The following SMOC2 variants were observed in gnomAD, a reference collection of about 807,000 sequenced individuals.
The protein encoded by SMOC2 is SPARC related modular calcium binding 2.
Under a neutral mutation model 61.4 loss-of-function variants are expected in SMOC2, and 39 were observed. The ratio of observed to expected loss-of-function variants is 0.64; its 90% CI spans 0.49 to 0.83. The LOEUF (loss-of-function observed/expected upper bound fraction) is 0.83. SMOC2 is among the 40% of genes least tolerant of loss of function. The pLI is 0.00. For synonymous variants in SMOC2, 247 were observed against 239.9 expected, an observed-to-expected ratio of 1.03 and a Z score of -0.27; for missense variants, 556 against 592.9, an observed-to-expected ratio of 0.94 and a Z score of 0.65.
intron 2 of SMOC2, among the ~76,000 whole-genome samples, chr6:168,522,705 C>T (rs953418698): frequency 2.0e-5 from 3 of 151,914 alleles, no homozygotes; most frequent in East Asian, 1.9e-4. Flanking sequence ...AAGTATACCT[C>T]GTGTATGATT....
chr6:168,575,348 G>A (rs1320838358), intron 7 of SMOC2, among the ~76,000 whole-genome samples: 1 of 152,162 alleles, frequency 6.6e-6, no homozygotes, highest in Non-Finnish European at 1.5e-5. Context: ...TTCTTTCTAA[G>A]CCCTATAAGG....
intron 1 of SMOC2, among the ~76,000 whole-genome samples, chr6:168,503,356 G>T (rs1028460225): frequency 6.6e-6 from 1 of 152,214 alleles, no homozygotes; most frequent in African/African-American, 2.4e-5. Context: ...GGGATTACAG[G>T]TGTGAGCCAC....
intron 7 of SMOC2, 65 bp from the exon 8 acceptor site, chr6:168,598,753 A>C: frequency 1.9e-6 from 3 of 1,558,170 alleles, no homozygotes; most frequent in Non-Finnish European, 2.6e-6. Flanking sequence ...TGGCCTCCCA[A>C]GAGCTCTGCA....
intron 4 of SMOC2, among the ~76,000 whole-genome samples, chr6:168,537,740 C>G (rs1200607348): frequency 6.6e-6 from 1 of 152,174 alleles, no homozygotes; most frequent in East Asian, 1.9e-4. Context: ...CTCCCTGCCA[C>G]GGCCAGTCTT....
chr6:168,609,366 T>G (rs577035638), intron 9 of SMOC2, among the ~76,000 whole-genome samples: 1 of 152,290 alleles, frequency 6.6e-6, no homozygotes, highest in South Asian at 2.1e-4. Flanking sequence ...TTTTTTTTAA[T>G]GAGAGTATGG....
intron 11 of SMOC2, among the ~76,000 whole-genome samples, chr6:168,660,052 G>GAGTAAGGGTGGAGGTTGTA (rs1554255901): frequency 5.7e-4 from 85 of 148,612 alleles, no homozygotes; most frequent in Admixed American, 9.4e-4. Flanking sequence ...GTTGTAGGTT[G>GAGTAAGGGTGGAGGTTGTA]GCCTGAATAG....
chr6:168,660,893 GT>G (rs1448690498), intron 11 of SMOC2, among the ~76,000 whole-genome samples: 1 of 152,222 alleles, frequency 6.6e-6, no homozygotes, highest in Non-Finnish European at 1.5e-5. Context: ...AAAAGTTTAA[GT>G]TGCTGCAGAA....
intron 1 of SMOC2, among the ~76,000 whole-genome samples, chr6:168,455,260 A>G (rs1781557712): frequency 1.3e-5 from 2 of 152,202 alleles, no homozygotes; most frequent in South Asian, 2.1e-4. Flanking sequence ...GGTCTGGTCT[A>G]TGAGTTTTCT....
chr6:168,660,517 G>A (rs369148956), intron 11 of SMOC2, among the ~76,000 whole-genome samples: 13 of 152,202 alleles, frequency 8.5e-5, no homozygotes, highest in Admixed American at 7.2e-4. Flanking sequence ...CATGGGTCAC[G>A]CTTCATGCAA....
At chr6:168,577,042 C>T (rs1784819937) in intron 7 of SMOC2, among the ~76,000 whole-genome samples, 1 of 150,980 alleles carries the variant, frequency 6.6e-6, no homozygotes, top group South Asian at 2.1e-4. Context: ...TGAAATGGCC[C>T]CTTGCCTGTT....
intron 1 of SMOC2, among the ~76,000 whole-genome samples, chr6:168,498,331 A>G (rs1380984345): frequency 6.6e-6 from 1 of 152,220 alleles, no homozygotes; most frequent in Admixed American, 6.5e-5. Flanking sequence ...AGCCTCAGAA[A>G]AGAAACTCTG....
intron 1 of SMOC2, among the ~76,000 whole-genome samples, chr6:168,485,824 TA>T (rs1437784901): frequency 6.6e-6 from 1 of 152,228 alleles, no homozygotes; most frequent in African/African-American, 2.4e-5. Context: ...AATTGTGTGA[TA>T]GGGGAATTGT....
At position 168,453,218 on chromosome 6, in the gene SMOC2, G is replaced by A. The variant is rs1464611328; in HGVS notation, c.84+11764G>A. 1.3e-5 allele frequency among the ~76,000 whole-genome samples: 2 copies of A among 152,000 alleles called. No individual in the cohort carries two copies. The highest frequency in any genetic ancestry group is 3.9e-4 in the East Asian group (2 of 5,144). Reference sequence around the variant, plus strand: ...GGCCTGACAAATGCGGGCGGGGGTGGGGGAGGAACTCGGGACCCAGGGCTG... The same window carrying A: ...GGCCTGACAAATGCGGGCGGGGGTGAGGGAGGAACTCGGGACCCAGGGCTG... On this transcript the variant is annotated intron_variant, in intron 1 of 12. Coordinates refer to ENST00000356284, the MANE Select transcript of SMOC2 (RefSeq NM_001166412.2). This position sits in a 1 kb window ranked among gnomAD's most constrained non-coding sequence, Gnocchi z 4.4.
chr6:168,621,534 G>T (rs1015331295), intron 9 of SMOC2, among the ~76,000 whole-genome samples: 7 of 152,216 alleles, frequency 4.6e-5, no homozygotes, highest in Non-Finnish European at 1.0e-4. Context: ...CTGCTATGAA[G>T]AAATACCCAA....
At chr6:168,599,678 ACACT>A (rs1186887953) in intron 8 of SMOC2, among the ~76,000 whole-genome samples, 1 of 124,732 alleles carries the variant, frequency 8.0e-6, no homozygotes, top group Non-Finnish European at 1.7e-5. Context: ...ACTCCCCTAC[ACACT>A]CTCACACTCT....
intron 1 of SMOC2, among the ~76,000 whole-genome samples, chr6:168,477,924 GGAT>G (rs1351979127): frequency 6.6e-6 from 1 of 152,086 alleles, no homozygotes; most frequent in African/African-American, 2.4e-5. Flanking sequence ...AGTGAAGGTG[GGAT>G]TACTGTCCCT....
At chr6:168,623,482 C>CTTATTTAT (rs146563724) in intron 9 of SMOC2, among the ~76,000 whole-genome samples, 5,451 of 146,376 alleles carry the variant, frequency 0.037, 292 homozygotes, top group Admixed American at 0.15. Context: ...CCCCACCTGG[C>CTTATTTAT]TTATTTATTT....
At chr6:168,552,327 T>C (rs1784146317) in intron 7 of SMOC2, among the ~76,000 whole-genome samples, 1 of 152,246 alleles carries the variant, frequency 6.6e-6, no homozygotes, top group Non-Finnish European at 1.5e-5. Flanking sequence ...GTAATCATCT[T>C]CGGTAGACAT....
chr6:168,586,791 G>T (rs1047175904), intron 7 of SMOC2, among the ~76,000 whole-genome samples: 1 of 152,050 alleles, frequency 6.6e-6, no homozygotes, highest in African/African-American at 2.4e-5. Flanking sequence ...TATAAAAATA[G>T]AAGTAGTTTT....
Sources: gnomAD v4.1 joint callset for allele counts (sites outside exome capture counted in the v4.1 genomes callset) on GRCh38, gnomAD v4.1.1 for gene constraint, Gnocchi (gnomAD v3.1) non-coding constraint, MANE v1.5 for transcripts, NCBI Gene and HGNC (gene_info 2026-07-23, HGNC 2026-07-21) for gene names.